ZNF280B: variants seen among roughly 807,000 people sequenced by gnomAD.
ZNF280B encodes zinc finger protein 280B.
A neutral mutation model predicts 38.0 loss-of-function variants in ZNF280B; 16 were observed. The observed-to-expected ratio is 0.42, with a 90% CI of 0.28 to 0.64. The LOEUF is 0.64. Among genes scored for constraint, ZNF280B ranks in the 30% least tolerant of loss-of-function variants. The pLI is 0.21. For missense variants in ZNF280B, 581 were observed against 639.6 expected (o/e 0.91, Z 0.99); for synonymous variants, 253 against 230.6 (o/e 1.10, Z -0.88).
rs757297753 is a variant in ZNF280B at position 22,489,412 on chromosome 22, T to A, written c.-14A>T. On this transcript the variant is annotated 5_prime_UTR_variant, in exon 4 of 4. It introduces an in-frame stop codon into an upstream open reading frame of the 5' UTR. Transcript: ENST00000626650. ...TGATTGTTCCATTTTCTAATTTTTTTATTCCTGAATGGTGGGGCCACAAGT... is the reference window on the plus strand; with the variant it reads ...TGATTGTTCCATTTTCTAATTTTTTAATTCCTGAATGGTGGGGCCACAAGT... The A allele has an allele frequency of 3.4e-5, 54 of 1,573,432 alleles. No homozygotes were observed. The highest frequency in any genetic ancestry group is 4.5e-5 in the Non-Finnish European group (53 of 1,164,860).
At chr22:22,499,269 T>C (rs1167264778) in intron 2 of ZNF280B, among the ~76,000 whole-genome samples, 1 of 151,500 alleles carries the variant, frequency 6.6e-6, no homozygotes, top group Non-Finnish European at 1.5e-5. Context: ...TTTTTAATTT[T>C]AATTTTTTTT....
chr22:22,497,436 C>T (rs2061724289), intron 2 of ZNF280B, among the ~76,000 whole-genome samples: 1 of 151,464 alleles, frequency 6.6e-6, no homozygotes, highest in African/African-American at 2.4e-5. Context: ...TAGGCTGAGG[C>T]AAGAGAATCA....
Position 22,489,021 on chromosome 22 carries a change from A to G in ZNF280B, c.378T>C (p.Tyr126=), listed in dbSNP as rs1338967508. ...GCACAACTTGTGGTGAACTATTTCTATAATCAGGTTTAGACAAAGGCTCAA... is the reference window on the plus strand; with the variant it reads ...GCACAACTTGTGGTGAACTATTTCTGTAATCAGGTTTAGACAAAGGCTCAA... ...IIIEPLSKPD[Y]RNSSPQVVPN... Residue 126 remains tyrosine, a synonymous_variant, in exon 4 of 4, where the codon TAT becomes TAC. Coordinates refer to ENST00000626650, the MANE Select transcript of ZNF280B (RefSeq NM_080764.4). The G allele has an allele frequency of 6.2e-7, 1 of 1,613,892 alleles. No homozygotes were observed. The highest frequency in any genetic ancestry group is 1.1e-5 in the South Asian group (1 of 91,074).
chr22:22,487,810 GAT>G lies in ZNF280B; in HGVS notation c.1587_1588del (p.Ser530ThrfsTer5). On this transcript the variant is annotated frameshift_variant, in exon 4 of 4. Coordinates refer to ENST00000626650, the MANE Select transcript of ZNF280B (RefSeq NM_080764.4). LOFTEE classifies it high-confidence loss of function. ...AATTTTGCTTTTAGACCTGGGGAGT[GAT>G]GGTTCAGAGTCAGATGTGCTCACAG... 1 of 1,606,082 alleles carries G rather than the reference GAT, an allele frequency of 6.2e-7. No individual in the cohort carries two copies. The highest frequency in any genetic ancestry group is 8.5e-7 in the Non-Finnish European group (1 of 1,177,236).
At position 22,488,660 on chromosome 22, in the gene ZNF280B, T is replaced by G; in HGVS notation, c.739A>C (p.Lys247Gln). ...CTATCAAGATTTGTATTTATAGGCT[T>G]GAAATGGATATTGTCCTTTGGAAAA... The part of the protein sequence containing the change: ...AAFPKDNIHF[K>Q]PINTNLDRAN... Residue 247 changes from lysine (K) to glutamine (Q), a missense_variant, in exon 4 of 4, where the codon AAG becomes CAG. Transcript: ENST00000626650. 1.2e-6 allele frequency: 2 copies of G among 1,613,914 alleles called. No individual in the cohort carries two copies. Among genetic ancestry groups the G allele is most frequent in the South Asian group, 2.2e-5 (2 of 91,068 alleles).
intron 2 of ZNF280B, among the ~76,000 whole-genome samples, chr22:22,494,907 T>C (rs543498238): frequency 3.3e-5 from 5 of 152,058 alleles, no homozygotes; most frequent in African/African-American, 7.2e-5. Context: ...TTTGTATTTT[T>C]AGTAGAGATG....
At chr22:22,495,257 C>A (rs1482577629) in intron 2 of ZNF280B, among the ~76,000 whole-genome samples, 4 of 151,886 alleles carry the variant, frequency 2.6e-5, no homozygotes, top group African/African-American at 9.7e-5. Flanking sequence ...CCACTTTTTC[C>A]CTCAGTCTAC....
At chr22:22,504,434 A>AAG (rs1228823219) in intron 2 of ZNF280B, among the ~76,000 whole-genome samples, 6 of 151,818 alleles carry the variant, frequency 4.0e-5, no homozygotes, top group Non-Finnish European at 7.4e-5. Context: ...CTGAAAAAAA[A>AAG]AAAAAACAAA....
intron 2 of ZNF280B, among the ~76,000 whole-genome samples, chr22:22,496,346 C>T (rs2061694333): frequency 6.6e-6 from 1 of 151,760 alleles, no homozygotes; most frequent in African/African-American, 2.4e-5. Flanking sequence ...GATCCACCCA[C>T]CTTGGCCTCC....
At chr22:22,507,548 G>A (rs2061963974) in intron 2 of ZNF280B, among the ~76,000 whole-genome samples, 1 of 148,528 alleles carries the variant, frequency 6.7e-6, no homozygotes, top group Non-Finnish European at 1.5e-5. Flanking sequence ...TAACATCCCT[G>A]ATGCTCTTTT....
At position 22,486,054 on chromosome 22, in the gene ZNF280B, TAA is replaced by T; in HGVS notation, c.*1711_*1712del. On this transcript the variant is annotated 3_prime_UTR_variant, in exon 4 of 4. Transcript: ENST00000626650. Reference sequence around the variant, plus strand: ...TAGATCAGATGAAGGACATTAACTCTAAGTCTTAAAACTTATTGAATTAGAGA... The same window carrying T: ...TAGATCAGATGAAGGACATTAACTCTGTCTTAAAACTTATTGAATTAGAGA... 6.6e-6 allele frequency: 1 copy of T among 152,144 alleles called. No homozygotes were observed. The highest frequency in any genetic ancestry group is 2.1e-4 in the South Asian group (1 of 4,818). The allele number at this position is 152,144 out of a possible 1,614,324, so 9.4% of individuals were successfully genotyped here.
intron 2 of ZNF280B, among the ~76,000 whole-genome samples, chr22:22,506,086 A>AG (rs1761711151): frequency 6.6e-6 from 1 of 151,942 alleles, no homozygotes; most frequent in African/African-American, 2.4e-5. Flanking sequence ...GATGTGAAGG[A>AG]GAGGAGGAGG....
At chr22:22,499,113 AGGC>A (rs1324988824) in intron 2 of ZNF280B, among the ~76,000 whole-genome samples, 3 of 151,560 alleles carry the variant, frequency 2.0e-5, no homozygotes, top group Non-Finnish European at 4.4e-5. Flanking sequence ...TCCCTTACAG[AGGC>A]AAAAATCCTC....
intron 2 of ZNF280B, among the ~76,000 whole-genome samples, chr22:22,503,544 T>G (rs1423263751): frequency 6.6e-6 from 1 of 151,926 alleles, no homozygotes; most frequent in Non-Finnish European, 1.5e-5. Context: ...CAAAAAGAAT[T>G]AAGCTAGTAT....
intron 2 of ZNF280B, among the ~76,000 whole-genome samples, chr22:22,506,986 G>A (rs894244401): frequency 3.9e-5 from 6 of 151,910 alleles, no homozygotes; most frequent in African/African-American, 1.5e-4. Context: ...GTGATGGTAT[G>A]CCACTTCAGA....
intron 2 of ZNF280B, among the ~76,000 whole-genome samples, chr22:22,501,376 C>T (rs929404652): frequency 6.6e-6 from 1 of 151,562 alleles, no homozygotes; most frequent in Non-Finnish European, 1.5e-5. Flanking sequence ...ACCAGCCTGG[C>T]CAACATAGCA....
intron 2 of ZNF280B, among the ~76,000 whole-genome samples, chr22:22,503,715 ATAGTT>A (rs778176549): frequency 4.6e-5 from 7 of 151,868 alleles, no homozygotes; most frequent in Non-Finnish European, 1.0e-4. Context: ...CAAGACAGTT[ATAGTT>A]TAAACTTCTA....
chr22:22,490,150 T>TTA (rs2061564615), intron 3 of ZNF280B, among the ~76,000 whole-genome samples: 1 of 151,956 alleles, frequency 6.6e-6, no homozygotes, highest in Non-Finnish European at 1.5e-5. Context: ...ATGGCCTTAA[T>TTA]TATAATCCAT....
In ZNF280B at chr22:22,488,503, G is replaced by A. The variant is rs141371348; in HGVS notation, c.896C>T (p.Pro299Leu). ...YYGQHKGEGQ[P>L]EQKTHTTFKC... ...AAAGGTGGTGTGAGTCTTCTGTTCC[G>A]GCTGCCCTTCTCCTTTATGCTGTCC... is the stretch of plus-strand genomic sequence containing the variant. Residue 299 changes from proline (P) to leucine (L), a missense_variant, in exon 4 of 4, where the codon CCG becomes CTG. Physicochemically the swap from Pro to Leu is moderately conservative, Grantham distance 98. Coordinates refer to ENST00000626650, the MANE Select transcript of ZNF280B (RefSeq NM_080764.4). The A allele has an allele frequency of 1.3e-4, 209 of 1,613,826 alleles. 1 individual carries two copies. In the East Asian group the frequency reaches 1.7e-3, roughly 13 times the overall value.
Sources: allele counts gnomAD v4.1 joint callset (sites outside exome capture counted in the v4.1 genomes callset), GRCh38; gene constraint gnomAD v4.1.1; transcripts MANE v1.5; gene names NCBI Gene and HGNC (gene_info 2026-07-23, HGNC 2026-07-21).